Variants in DPP10 observed in about 807,000 individuals in gnomAD.
DPP10 encodes the protein dipeptidyl peptidase like 10, also known as inactive dipeptidyl peptidase 10.
Under a neutral mutation model 120.9 loss-of-function variants are expected in DPP10, and 33 were observed. The observed-to-expected ratio is 0.27, with a 90% CI of 0.21 to 0.37. The LOEUF is 0.37. Among genes scored for constraint, DPP10 ranks in the 10% least tolerant of loss-of-function variants. The pLI, the probability that DPP10 is intolerant of heterozygous loss-of-function variation, is 1.00. For missense variants in DPP10, 816 were observed against 942.8 expected (o/e 0.87, Z 1.76); for synonymous variants, 337 against 326.1 (o/e 1.03, Z -0.36).
chr2:114,708,731 G>A (rs993655164), intron 1 of DPP10, among the ~76,000 whole-genome samples: 5 of 151,746 alleles, frequency 3.3e-5, no homozygotes, highest in African/African-American at 7.3e-5. Flanking sequence ...CCTTTAACTC[G>A]TTTACTTTTG....
chr2:115,577,588 C>CGATTG (rs1558874591), intron 5 of DPP10, among the ~76,000 whole-genome samples: 1 of 152,064 alleles, frequency 6.6e-6, no homozygotes, highest in Non-Finnish European at 1.5e-5. Context: ...AAAGTACTGT[C>CGATTG]GATTGGGTGG....
At chr2:114,598,648 T>C (rs1692119212) in intron 1 of DPP10, among the ~76,000 whole-genome samples, 1 of 151,798 alleles carries the variant, frequency 6.6e-6, no homozygotes, top group Admixed American at 6.6e-5. Context: ...GAAGCACCAA[T>C]AGTGTTAAAA....
chr2:115,329,552 C>T (rs922220660), intron 2 of DPP10, among the ~76,000 whole-genome samples: 2 of 152,030 alleles, frequency 1.3e-5, no homozygotes, highest in Admixed American at 6.6e-5. Flanking sequence ...TCATCATTTA[C>T]ATTAGGTATA....
At chr2:114,914,265 C>A (rs1446404811) in intron 1 of DPP10, among the ~76,000 whole-genome samples, 1 of 152,176 alleles carries the variant, frequency 6.6e-6, no homozygotes, top group Non-Finnish European at 1.5e-5. Context: ...TCATCGTATT[C>A]TCCAAGGTCA....
At chr2:115,559,021 G>A (rs1008154189) in intron 5 of DPP10, among the ~76,000 whole-genome samples, 1 of 152,144 alleles carries the variant, frequency 6.6e-6, no homozygotes, top group Non-Finnish European at 1.5e-5. Flanking sequence ...TCCCAGATAT[G>A]ATAAATAAAT....
chr2:115,420,876 C>T (rs1315579906), intron 3 of DPP10, among the ~76,000 whole-genome samples: 1 of 152,074 alleles, frequency 6.6e-6, no homozygotes, highest in East Asian at 1.9e-4. Flanking sequence ...ATCAGATACT[C>T]AGAAAAATAT....
chr2:114,768,748 C>T (rs1276317643), intron 1 of DPP10, among the ~76,000 whole-genome samples: 1 of 152,148 alleles, frequency 6.6e-6, no homozygotes, highest in Admixed American at 6.6e-5. Context: ...TTACAGAACA[C>T]AGGATAATGC....
In DPP10 at chr2:115,515,290, A is replaced by G. The variant is rs116431376; in HGVS notation, c.367-10608A>G. On this transcript the variant is annotated intron_variant, in intron 4 of 25. Transcript: ENST00000410059. Reference sequence around the variant, plus strand: ...AGTTTATATTGCAATTTATTAGATAATATCAAATTTCATTAATCAAACCCA... The same window carrying G: ...AGTTTATATTGCAATTTATTAGATAGTATCAAATTTCATTAATCAAACCCA... 3.5e-3 allele frequency among the ~76,000 whole-genome samples: 528 copies of G among 152,132 alleles called. 2 individuals carry two copies. Among genetic ancestry groups the G allele is most frequent in the African/African-American group, 0.012 (491 of 41,556 alleles).
intron 3 of DPP10, among the ~76,000 whole-genome samples, chr2:115,393,550 A>G (rs1403343916): frequency 2.0e-5 from 3 of 152,078 alleles, no homozygotes; most frequent in Admixed American, 6.5e-5. Flanking sequence ...CCATATCAGG[A>G]TAAATTGAGG....
At chr2:115,802,129 C>T in intron 19 of DPP10, among the ~76,000 whole-genome samples, 1 of 152,144 alleles carries the variant, frequency 6.6e-6, no homozygotes, top group East Asian at 1.9e-4. Flanking sequence ...TTGGTCTATT[C>T]AGAGATTCAA....
chr2:114,613,417 C>A (rs113655618), intron 1 of DPP10, among the ~76,000 whole-genome samples: 41 of 152,186 alleles, frequency 2.7e-4, no homozygotes, highest in Middle Eastern at 6.8e-3. Context: ...AAAACCCAAC[C>A]TTTTCTCAAG....
chr2:114,825,542 C>A (rs1366845312), intron 1 of DPP10, among the ~76,000 whole-genome samples: 1 of 152,184 alleles, frequency 6.6e-6, no homozygotes, highest in African/African-American at 2.4e-5. Flanking sequence ...AGCTATCTCT[C>A]TTGCTTCTCT....
intron 3 of DPP10, among the ~76,000 whole-genome samples, chr2:115,478,211 A>G (rs1340828764): frequency 2.0e-5 from 3 of 152,198 alleles, no homozygotes; most frequent in African/African-American, 7.2e-5. Context: ...AACAACAGAC[A>G]TATAGACCAA....
At chr2:115,077,171 A>AT (rs1411342483) in intron 1 of DPP10, among the ~76,000 whole-genome samples, 4 of 152,188 alleles carry the variant, frequency 2.6e-5, no homozygotes, top group Non-Finnish European at 5.9e-5. Context: ...GCCAAGTGCT[A>AT]TTTGTAATCA....
At chr2:115,035,772 C>A (rs982187286) in intron 1 of DPP10, among the ~76,000 whole-genome samples, 2 of 152,120 alleles carry the variant, frequency 1.3e-5, no homozygotes, top group African/African-American at 2.4e-5. Flanking sequence ...GGGATTTATA[C>A]CATTTATATA....
chr2:115,760,655 A>G (rs79660320), intron 11 of DPP10, among the ~76,000 whole-genome samples: 1 of 152,302 alleles, frequency 6.6e-6, no homozygotes, highest in Non-Finnish European at 1.5e-5. Flanking sequence ...AGTTAAATCA[A>G]CCACTTGATG....
intron 1 of DPP10, among the ~76,000 whole-genome samples, chr2:114,645,425 C>T (rs1696044147): frequency 6.6e-6 from 1 of 152,160 alleles, no homozygotes; most frequent in African/African-American, 2.4e-5. Flanking sequence ...CTTGGAATTT[C>T]TCTCAATTAG....
intron 3 of DPP10, among the ~76,000 whole-genome samples, chr2:115,418,679 G>A (rs746806683): frequency 6.6e-6 from 1 of 151,962 alleles, no homozygotes; most frequent in African/African-American, 2.4e-5. Flanking sequence ...GTCTGAGGAA[G>A]GAGGATCACT....
At chr2:115,147,790 T>C (rs965773578) in intron 1 of DPP10, among the ~76,000 whole-genome samples, 7 of 152,132 alleles carry the variant, frequency 4.6e-5, no homozygotes, top group Admixed American at 4.6e-4. Context: ...GCATGGCTTC[T>C]TTGAGGAATC....
Sources: allele counts gnomAD v4.1 joint callset (sites outside exome capture counted in the v4.1 genomes callset), GRCh38; gene constraint gnomAD v4.1.1; transcripts MANE v1.5; gene names NCBI Gene and HGNC (gene_info 2026-07-23, HGNC 2026-07-21).